Variants in WFDC9 observed in about 807,000 individuals in gnomAD.
WFDC9 encodes the protein WAP four-disulfide core domain 9.
In WFDC9, 9 loss-of-function variants were observed where a neutral mutation model predicts 9.5. The observed-to-expected ratio is 0.95, with a 90% CI of 0.57 to 1.65. WFDC9 has a LOEUF of 1.65. Among genes scored for constraint, WFDC9 ranks in the 40% most tolerant of loss-of-function variants. The pLI, the probability that WFDC9 is intolerant of heterozygous loss-of-function variation, is 0.00. For synonymous variants in WFDC9, 33 were observed against 32.3 expected, an observed-to-expected ratio of 1.02 and a Z score of -0.07; for missense variants, 87 against 106.7, an observed-to-expected ratio of 0.82 and a Z score of 0.81.
At chr20:45,624,814 C>T (rs891666890) in intron 1 of WFDC9, among the ~76,000 whole-genome samples, 5 of 152,078 alleles carry the variant, frequency 3.3e-5, no homozygotes, top group Admixed American at 1.3e-4. Context: ...TGCATTTCCC[C>T]GATGATTAGT....
chr20:45,618,220 T>C (rs1317680672), intron 1 of WFDC9, among the ~76,000 whole-genome samples: 3 of 152,220 alleles, frequency 2.0e-5, no homozygotes, highest in Admixed American at 2.0e-4. Flanking sequence ...CTTCATAAAA[T>C]TGAAGAGTTG....
At chr20:45,619,251 G>A (rs1426841014) in intron 1 of WFDC9, among the ~76,000 whole-genome samples, 1 of 152,166 alleles carries the variant, frequency 6.6e-6, no homozygotes, top group Non-Finnish European at 1.5e-5. Flanking sequence ...CTGGAGAGCT[G>A]AGGAGCACAG....
At chr20:45,611,154 T>C (rs1040912884) in intron 2 of WFDC9, among the ~76,000 whole-genome samples, 5 of 152,222 alleles carry the variant, frequency 3.3e-5, no homozygotes, top group Non-Finnish European at 7.3e-5. Context: ...AACCAGCTCA[T>C]GATAGTATCT....
intron 2 of WFDC9, among the ~76,000 whole-genome samples, chr20:45,610,910 A>G (rs994549280): frequency 8.5e-5 from 13 of 152,246 alleles, no homozygotes; most frequent in Admixed American, 6.5e-5. Context: ...AGGTTTTATG[A>G]ATACGACTCA....
At chr20:45,617,496 T>G (rs3092353) in intron 1 of WFDC9, among the ~76,000 whole-genome samples, 91 of 152,100 alleles carry the variant, frequency 6.0e-4, no homozygotes, top group African/African-American at 1.9e-3. Flanking sequence ...ACTTTTGACT[T>G]CTCAAAAACC....
At chr20:45,626,852 G>C (rs1349128808) in intron 1 of WFDC9, among the ~76,000 whole-genome samples, 1 of 152,178 alleles carries the variant, frequency 6.6e-6, no homozygotes, top group Non-Finnish European at 1.5e-5. Flanking sequence ...CATGCTCATG[G>C]AGGGGCATGG....
chr20:45,609,604 TG>T (rs1338571130), intron 3 of WFDC9, among the ~76,000 whole-genome samples: 4 of 152,182 alleles, frequency 2.6e-5, no homozygotes, highest in African/African-American at 9.7e-5. Flanking sequence ...TCAGTGTCTT[TG>T]TTGTCCACAT....
intron 1 of WFDC9, among the ~76,000 whole-genome samples, chr20:45,628,032 C>T (rs1206669150): frequency 6.6e-6 from 1 of 152,118 alleles, no homozygotes; most frequent in Non-Finnish European, 1.5e-5. Flanking sequence ...ACTAAATTTA[C>T]TACTCTATCA....
intron 1 of WFDC9, among the ~76,000 whole-genome samples, chr20:45,618,483 A>T (rs1982021995): frequency 6.6e-6 from 1 of 152,154 alleles, no homozygotes. Context: ...ACTAAGATTA[A>T]TTATTTTTCT....
intron 1 of WFDC9, among the ~76,000 whole-genome samples, chr20:45,622,647 T>G (rs1179154003): frequency 2.0e-5 from 3 of 152,206 alleles, no homozygotes; most frequent in Admixed American, 2.0e-4. Context: ...CCCAATGCTG[T>G]CATGTACATT....
intron 3 of WFDC9, among the ~76,000 whole-genome samples, chr20:45,609,362 C>A (rs930629304): frequency 6.6e-6 from 1 of 152,036 alleles, no homozygotes; most frequent in Non-Finnish European, 1.5e-5. Flanking sequence ...CACCACCATG[C>A]CTGGCTAATT....
At chr20:45,622,448 C>T (rs1285245421) in intron 1 of WFDC9, among the ~76,000 whole-genome samples, 1 of 151,996 alleles carries the variant, frequency 6.6e-6, no homozygotes, top group Non-Finnish European at 1.5e-5. Flanking sequence ...ATTTTTTAAC[C>T]TGCTAAATCT....
At chr20:45,625,939 C>G (rs910333143) in intron 1 of WFDC9, among the ~76,000 whole-genome samples, 2 of 150,646 alleles carry the variant, frequency 1.3e-5, no homozygotes, top group African/African-American at 4.9e-5. Flanking sequence ...GCCTCAGCCT[C>G]CAGAGTAGAG....
At chr20:45,623,339 T>C (rs1014231968) in intron 1 of WFDC9, among the ~76,000 whole-genome samples, 1 of 152,300 alleles carries the variant, frequency 6.6e-6, no homozygotes. Flanking sequence ...ATCTGTGGTG[T>C]AGGTTTTGGA....
At chr20:45,621,680 G>A (rs1164304774) in intron 1 of WFDC9, among the ~76,000 whole-genome samples, 1 of 152,172 alleles carries the variant, frequency 6.6e-6, no homozygotes, top group Non-Finnish European at 1.5e-5. Flanking sequence ...CTTGGACACT[G>A]TGTTTGTCTC....
intron 1 of WFDC9, among the ~76,000 whole-genome samples, chr20:45,627,296 T>C (rs1446228273): frequency 2.0e-5 from 3 of 152,174 alleles, no homozygotes; most frequent in Non-Finnish European, 2.9e-5. Flanking sequence ...TGTCTTGTTA[T>C]TGTCTGGTTT....
chr20:45,625,704 C>T (rs1982201732), intron 1 of WFDC9, among the ~76,000 whole-genome samples: 2 of 151,608 alleles, frequency 1.3e-5, no homozygotes, highest in South Asian at 4.2e-4. Context: ...TTTCCTAGCA[C>T]CATTTACTGA....
rs1185908858 is a variant in WFDC9 at position 45,608,044 on chromosome 20, T to A, written c.*66A>T. 1.9e-6 allele frequency: 3 copies of A among 1,568,392 alleles called. No individual in the cohort carries two copies. Among genetic ancestry groups the A allele is most frequent in the African/African-American group, 1.4e-5 (1 of 73,766 alleles). On this transcript the variant is annotated 3_prime_UTR_variant, in exon 5 of 5. Coordinates refer to ENST00000326000, the MANE Select transcript of WFDC9 (RefSeq NM_147198.4). ...GCCAGTGGGTGTCCCAAGAAGGAAGTAGGCAGCACTCTTCTTAGACCAGAT... is the reference window on the plus strand; with the variant it reads ...GCCAGTGGGTGTCCCAAGAAGGAAGAAGGCAGCACTCTTCTTAGACCAGAT...
At chr20:45,612,015 G>A (rs1188844106) in intron 2 of WFDC9, among the ~76,000 whole-genome samples, 2 of 152,076 alleles carry the variant, frequency 1.3e-5, no homozygotes, top group African/African-American at 2.4e-5. Flanking sequence ...AATCCCCAGA[G>A]CCTGGTTTTC....
Sources: allele counts gnomAD v4.1 joint callset (sites outside exome capture counted in the v4.1 genomes callset), GRCh38; gene constraint gnomAD v4.1.1; transcripts MANE v1.5; gene names NCBI Gene and HGNC (gene_info 2026-07-23, HGNC 2026-07-21).